DHX57: variants seen among roughly 807,000 people sequenced by gnomAD.
DHX57 encodes the protein DExH-box helicase 57.
A neutral mutation model predicts 156.2 loss-of-function variants in DHX57; 105 were observed. That is an observed-to-expected ratio of 0.67 (90% CI 0.57 to 0.79). DHX57 has a LOEUF of 0.79. DHX57 is among the 30% of genes least tolerant of loss of function. The pLI, the probability that DHX57 is intolerant of heterozygous loss-of-function variation, is 0.00. For missense variants in DHX57, 1,847 were observed against 1,661.9 expected (o/e 1.11, Z -1.94); for synonymous variants, 704 against 595.6 (o/e 1.18, Z -2.65).
chr2:38,846,033 C>T (rs1672266119), intron 11 of DHX57, among the ~76,000 whole-genome samples: 1 of 151,896 alleles, frequency 6.6e-6, no homozygotes, highest in South Asian at 2.1e-4. Context: ...GCCCAGCTAA[C>T]TTTTGTATTC....
intron 13 of DHX57, among the ~76,000 whole-genome samples, chr2:38,833,933 C>A (rs1201676833): frequency 6.6e-6 from 1 of 152,072 alleles, no homozygotes; most frequent in African/African-American, 2.4e-5. Flanking sequence ...TACACACAAA[C>A]CTATTATAAA....
intron 17 of DHX57, among the ~76,000 whole-genome samples, chr2:38,819,528 G>T (rs1390248602): frequency 1.3e-5 from 2 of 152,188 alleles, no homozygotes; most frequent in African/African-American, 4.8e-5. Context: ...CATTGCTAAA[G>T]CCAGATGCCT....
intron 4 of DHX57, 120 bp downstream of exon 4, chr2:38,862,025 C>A (rs1673254121): frequency 7.9e-7 from 1 of 1,257,932 alleles, no homozygotes. Flanking sequence ...GAATATTAGG[C>A]CTATCAGGCA....
chr2:38,845,210 C>G (rs958594905), intron 11 of DHX57, among the ~76,000 whole-genome samples: 3 of 149,828 alleles, frequency 2.0e-5, no homozygotes, highest in African/African-American at 7.4e-5. Context: ...AAACAAAAAA[C>G]AAACAAAAAA....
At chr2:38,869,193 A>G (rs2124949350) in intron 1 of DHX57, among the ~76,000 whole-genome samples, 1 of 152,366 alleles carries the variant, frequency 6.6e-6, no homozygotes, top group Middle Eastern at 3.4e-3. Flanking sequence ...TCTATCAGGA[A>G]CACAGCTTGG....
At chr2:38,806,045 ACAT>A (rs768433617) in intron 22 of DHX57, among the ~76,000 whole-genome samples, 45 of 152,318 alleles carry the variant, frequency 3.0e-4, no homozygotes, top group Admixed American at 7.2e-4. Context: ...AGCAAAAATA[ACAT>A]CAAGGAGAAT....
intron 20 of DHX57, 67 bp from the exon 21 acceptor site, chr2:38,813,962 G>T: frequency 6.4e-7 from 1 of 1,561,954 alleles, no homozygotes; most frequent in Non-Finnish European, 8.8e-7. Flanking sequence ...TTTTGAGATG[G>T]AGTCTTGCTC....
rs116787985 is a variant in DHX57, at chr2:38,845,700, T to G, written c.2219+1319A>C. Reference sequence around the variant, plus strand: ...TTGCGGAATCCTCAAGATCAGAGACTAAGAAGAGAAAGTAGGGCTTTCAAA... The same window carrying G: ...TTGCGGAATCCTCAAGATCAGAGACGAAGAAGAGAAAGTAGGGCTTTCAAA... On this transcript the variant is annotated intron_variant, in intron 11 of 23. Coordinates refer to ENST00000457308, the MANE Select transcript of DHX57 (RefSeq NM_198963.3). Among the ~76,000 whole-genome samples, 596 of 152,096 alleles carry G rather than the reference T, an allele frequency of 3.9e-3. 4 individuals carry two copies. The highest frequency in any genetic ancestry group is 0.014 in the African/African-American group (577 of 41,488).
chr2:38,868,053 A>G, intron 2 of DHX57, 129 bp downstream of exon 2: 3 of 1,169,650 alleles, frequency 2.6e-6, no homozygotes, highest in Non-Finnish European at 3.6e-6. Context: ...TCTTCAGAAA[A>G]GGGTTACAAA....
intron 2 of DHX57, among the ~76,000 whole-genome samples, chr2:38,863,917 G>A (rs1418413879): frequency 6.6e-6 from 1 of 152,052 alleles, no homozygotes; most frequent in Non-Finnish European, 1.5e-5. Context: ...GGAGGCTGAG[G>A]CAGGAGAATC....
chr2:38,811,386 A>G lies in DHX57; in HGVS notation c.3681+2435T>C, dbSNP rs1272228401. 12 of 552,214 alleles carry G rather than the reference A, an allele frequency of 2.2e-5. No homozygotes were observed. The Admixed American group carries it at 2.6e-4, about 12-fold the overall frequency. 34.2% of individuals were successfully genotyped at this position (552,214 alleles called of 1,614,324 possible). ...ATTTCCACTTGTTTGCGGGTGATGT[A>G]AGGCCTGGGAAGAGAGGGGCCCAGG... On this transcript the variant is annotated intron_variant, in intron 21 of 23. Coordinates refer to ENST00000457308, the MANE Select transcript of DHX57 (RefSeq NM_198963.3).
At chr2:38,822,406 T>A (rs1371793273) in intron 17 of DHX57, among the ~76,000 whole-genome samples, 2 of 149,168 alleles carry the variant, frequency 1.3e-5, no homozygotes, top group Admixed American at 6.7e-5. Context: ...TATTAGTTGT[T>A]TTTTTTTTTA....
Position 38,819,136 on chromosome 2 carries a change from G to C in DHX57, c.3300C>G (p.Pro1100=), listed in dbSNP as rs1670690992. 6.2e-7 allele frequency: 1 copy of C among 1,613,856 alleles called. No homozygotes were observed. Among genetic ancestry groups the C allele is most frequent in the East Asian group, 2.2e-5 (1 of 44,878 alleles). ...GGTTAGCTTCTTCTTTTTTATCCCA[G>C]GGAGATACCTAAAGGAGAGAGGAAA... ...SLAFKSPFVS[P]WDKKEEANQK... The change falls in exon 18 of 24, where the codon CCC becomes CCG. Residue 1100 remains proline (P), a synonymous_variant. Coordinates refer to ENST00000457308, the MANE Select transcript of DHX57 (RefSeq NM_198963.3).
intron 11 of DHX57, 75 bp from the exon 12 acceptor site, chr2:38,843,285 C>T (rs573995947): frequency 8.1e-6 from 12 of 1,477,882 alleles, no homozygotes; most frequent in South Asian, 7.0e-5. Context: ...ACCTGTTTCA[C>T]GTGCTCGTTC....
Position 38,854,134 on chromosome 2 carries a change from C to T in DHX57, c.1950G>A (p.Leu650=), listed in dbSNP as rs201649286. 1 of 1,614,050 alleles carries T rather than the reference C, an allele frequency of 6.2e-7. No homozygotes were observed. Among genetic ancestry groups the T allele is most frequent in the East Asian group, 2.2e-5 (1 of 44,872 alleles). ...GAGCTGTATCTCCTTCTAGCCTTCT[C>T]AGCAGCACTCCCGTGGTGCAGTATA... The part of the protein sequence containing the change: ...RLLYCTTGVL[L]RRLEGDTALQ... The change falls in exon 9 of 24, where the codon CTG becomes CTA. Residue 650 remains leucine, a synonymous_variant. Coordinates refer to ENST00000457308, the MANE Select transcript of DHX57 (RefSeq NM_198963.3).
Position 38,854,872 on chromosome 2 carries a change from T to C in DHX57, c.1905+185A>G, listed in dbSNP as rs567162097. 2.4e-4 allele frequency: 145 copies of C among 601,758 alleles called. No homozygotes were observed. The African/African-American group carries it at 2.5e-3, about 10-fold the overall frequency. 37.3% of individuals were successfully genotyped at this position (601,758 alleles called of 1,614,324 possible). A position where few individuals can be genotyped will look rare whatever the true frequency, so the allele number is the denominator to read the frequency against. On this transcript the variant is annotated intron_variant, in intron 8 of 23. Transcript: ENST00000457308. The stretch of plus-strand genomic sequence containing the variant: ...CCACCGCGCCTGGCCATAAGAGTTC[T>C]TATACCAAAATATTTCTAAATATTT...
chr2:38,852,044 G>A (rs181308015), intron 9 of DHX57, among the ~76,000 whole-genome samples: 2 of 151,886 alleles, frequency 1.3e-5, no homozygotes, highest in African/African-American at 4.8e-5. Flanking sequence ...CTTGTTCTAG[G>A]AATTATTTCT....
intron 19 of DHX57, chr2:38,816,115 G>A (rs1670534972): frequency 2.1e-6 from 1 of 471,404 alleles, no homozygotes; most frequent in Non-Finnish European, 4.4e-6. Flanking sequence ...AGTGGTTCGT[G>A]CTCTCAGTGG....
At position 38,840,967 on chromosome 2, in the gene DHX57, A is replaced by G. The variant is rs569376931; in HGVS notation, c.2425+2038T>C. Among the ~76,000 whole-genome samples the G allele has an allele frequency of 3.3e-5, 5 of 152,240 alleles. No homozygotes were observed. In the East Asian group the frequency reaches 9.7e-4, roughly 29 times the overall value. The stretch of plus-strand genomic sequence containing the variant: ...CTGAGTAGCTGGGACTACAGGTGCC[A>G]ACTACCATGCCCGGCTAATTTTAAA... On this transcript the variant is annotated intron_variant, in intron 12 of 23. Transcript: ENST00000457308.
Sources: allele counts gnomAD v4.1 joint callset (sites outside exome capture counted in the v4.1 genomes callset), GRCh38; gene constraint gnomAD v4.1.1; transcripts MANE v1.5; gene names NCBI Gene and HGNC (gene_info 2026-07-23, HGNC 2026-07-21).